Variants in MIPEP observed in about 807,000 individuals in gnomAD.
The protein encoded by MIPEP is mitochondrial intermediate peptidase.
MIPEP carries 79 observed loss-of-function variants against 90.3 expected under a neutral mutation model. That is an observed-to-expected ratio of 0.87 (90% CI 0.73 to 1.05). The LOEUF (loss-of-function observed/expected upper bound fraction) is 1.05. Ranked by LOEUF, MIPEP falls within the 50% of genes least tolerant of loss-of-function variation. MIPEP has a pLI of 0.00. For missense variants in MIPEP, 940 were observed against 905.6 expected (o/e 1.04, Z -0.49); for synonymous variants, 334 against 315.8 (o/e 1.06, Z -0.61).
chr13:23,884,905 G>A (rs1448494567), intron 2 of MIPEP, among the ~76,000 whole-genome samples: 5 of 152,140 alleles, frequency 3.3e-5, no homozygotes, highest in African/African-American at 1.2e-4. Context: ...TGTGTGTGCT[G>A]CTTTCCTTGA....
chr13:23,764,617 G>C (rs901627828), intron 16 of MIPEP, among the ~76,000 whole-genome samples: 1 of 152,162 alleles, frequency 6.6e-6, no homozygotes, highest in African/African-American at 2.4e-5. Flanking sequence ...GGAGTGCAGA[G>C]GCATGAGCAT....
chr13:23,861,124 T>C (rs574025855), intron 9 of MIPEP, among the ~76,000 whole-genome samples: 4 of 152,046 alleles, frequency 2.6e-5, no homozygotes, highest in Admixed American at 6.6e-5. Context: ...GGATTAAGTA[T>C]AGGTCCTGAC....
At chr13:23,867,774 A>G (rs533890068) in intron 7 of MIPEP, among the ~76,000 whole-genome samples, 1 of 152,280 alleles carries the variant, frequency 6.6e-6, no homozygotes, top group East Asian at 1.9e-4. Flanking sequence ...TAAATGTAGC[A>G]TATGTGTTTA....
chr13:23,852,506 A>T (rs562937392), intron 10 of MIPEP, among the ~76,000 whole-genome samples: 1 of 152,178 alleles, frequency 6.6e-6, no homozygotes, highest in East Asian at 1.9e-4. Flanking sequence ...GAACTGAAAA[A>T]TTTCTATCAC....
chr13:23,842,748 T>C (rs1566014353), intron 10 of MIPEP, among the ~76,000 whole-genome samples: 1 of 152,174 alleles, frequency 6.6e-6, no homozygotes, highest in Non-Finnish European at 1.5e-5. Flanking sequence ...AAGGAGAGCA[T>C]GATGACTTTA....
intron 14 of MIPEP, among the ~76,000 whole-genome samples, chr13:23,830,033 A>G (rs1054738190): frequency 4.1e-4 from 62 of 152,194 alleles, no homozygotes; most frequent in Non-Finnish European, 1.0e-4. Context: ...TTGAAAAACA[A>G]TTTGGCATTA....
chr13:23,785,366 A>G (rs1952826970), intron 16 of MIPEP, among the ~76,000 whole-genome samples: 1 of 152,066 alleles, frequency 6.6e-6, no homozygotes, highest in Admixed American at 6.5e-5. Flanking sequence ...GGAAACCAAC[A>G]TTCTCAGAAA....
intron 4 of MIPEP, 141 bp downstream of exon 4, chr13:23,879,127 G>C (rs1227611495): frequency 3.1e-6 from 2 of 651,960 alleles, no homozygotes; most frequent in East Asian, 2.6e-5. Flanking sequence ...GAGTCCTAGA[G>C]AAAGTGCAGG....
intron 17 of MIPEP, among the ~76,000 whole-genome samples, chr13:23,757,732 ATATGCC>A (rs1234287371): frequency 2.0e-5 from 3 of 152,174 alleles, no homozygotes. Context: ...TGTCACCTGG[ATATGCC>A]TACCTGACGG....
chr13:23,747,665 A>G, intron 18 of MIPEP: 1 of 407,060 alleles, frequency 2.5e-6, no homozygotes, highest in South Asian at 1.8e-5. Context: ...TAAAATATCC[A>G]AAAATATTCA....
At chr13:23,865,985 T>C (rs5024797) in intron 7 of MIPEP, among the ~76,000 whole-genome samples, 142,857 of 152,030 alleles carry the variant, frequency 0.94, 67,150 homozygotes, top group East Asian at 1. Flanking sequence ...TCAATTAGTG[T>C]CCCCAGAGAA....
intron 14 of MIPEP, among the ~76,000 whole-genome samples, chr13:23,817,692 T>TA (rs1953257049): frequency 6.6e-6 from 1 of 152,186 alleles, no homozygotes; most frequent in Admixed American, 6.5e-5. Flanking sequence ...TGCAGGTGTG[T>TA]AACGTCGGGC....
At chr13:23,782,014 T>A (rs1952788115) in intron 16 of MIPEP, among the ~76,000 whole-genome samples, 1 of 152,154 alleles carries the variant, frequency 6.6e-6, no homozygotes, top group Non-Finnish European at 1.5e-5. Context: ...TGGGAGACTT[T>A]AACACCCCAC....
chr13:23,870,277 C>A, intron 5 of MIPEP, 82 bp from the exon 6 acceptor site: 1 of 856,050 alleles, frequency 1.2e-6, no homozygotes, highest in East Asian at 3.0e-5. Context: ...ATAAATATGT[C>A]AAATCAACAT....
At chr13:23,838,343 T>C (rs1869147235) in intron 12 of MIPEP, among the ~76,000 whole-genome samples, 1 of 152,098 alleles carries the variant, frequency 6.6e-6, no homozygotes, top group African/African-American at 2.4e-5. Context: ...AGATGGAGTC[T>C]TACTATGTTG....
intron 16 of MIPEP, among the ~76,000 whole-genome samples, chr13:23,763,864 T>C (rs1952570197): frequency 6.6e-6 from 1 of 152,234 alleles, no homozygotes; most frequent in African/African-American, 2.4e-5. Context: ...CCTTTCATCA[T>C]AGGTTTGCAA....
chr13:23,823,709 T>C (rs12867091), intron 14 of MIPEP, among the ~76,000 whole-genome samples: 28,946 of 151,980 alleles, frequency 0.19, 3,197 homozygotes, highest in Non-Finnish European at 0.25. Flanking sequence ...GGCCCTGTAG[T>C]CCTAGCTACT....
chr13:23,762,117 T>C (rs1952552463), intron 16 of MIPEP, among the ~76,000 whole-genome samples: 1 of 151,830 alleles, frequency 6.6e-6, no homozygotes, highest in South Asian at 2.1e-4. Flanking sequence ...AGAGCAAGAA[T>C]CTGTCTCAAA....
intron 16 of MIPEP, among the ~76,000 whole-genome samples, chr13:23,777,236 T>C (rs939965420): frequency 7.9e-5 from 12 of 152,326 alleles, no homozygotes; most frequent in Non-Finnish European, 1.6e-4. Flanking sequence ...TCTAACATGG[T>C]AGCATCAGAA....
Sources: allele counts gnomAD v4.1 joint callset (sites outside exome capture counted in the v4.1 genomes callset), GRCh38; gene constraint gnomAD v4.1.1; transcripts MANE v1.5; gene names NCBI Gene and HGNC (gene_info 2026-07-23, HGNC 2026-07-21).